The following VPS13B variants were observed in gnomAD, a reference collection of about 807,000 sequenced individuals.
The protein encoded by VPS13B is intermembrane lipid transfer protein VPS13B.
A neutral mutation model predicts 426.4 loss-of-function variants in VPS13B; 285 were observed. That is an observed-to-expected ratio of 0.67 (90% CI 0.61 to 0.74). The LOEUF (loss-of-function observed/expected upper bound fraction) is 0.74. VPS13B is among the 30% of genes least tolerant of loss of function. The probability of loss-of-function intolerance (pLI) is 0.00; values close to 1 mark genes in which losing one functional copy is unlikely to be tolerated. For synonymous variants in VPS13B, 1,676 were observed against 1,676.4 expected, an observed-to-expected ratio of 1.00 and a Z score of 0.01; for missense variants, 4,537 against 4,782.6, an observed-to-expected ratio of 0.95 and a Z score of 1.51.
intron 19 of VPS13B, among the ~76,000 whole-genome samples, chr8:99,294,839 TTTA>T (rs1246953047): frequency 1.3e-5 from 2 of 152,180 alleles, no homozygotes; most frequent in Non-Finnish European, 2.9e-5. Context: ...AGTTAATTTG[TTTA>T]TTATTATTGC....
intron 44 of VPS13B, among the ~76,000 whole-genome samples, chr8:99,810,650 T>C (rs983534960): frequency 3.9e-5 from 6 of 152,238 alleles, no homozygotes; most frequent in Non-Finnish European, 8.8e-5. Context: ...AGAATATTTA[T>C]TGATTGCCTA....
chr8:99,673,752 C>T (rs929143409), intron 35 of VPS13B, among the ~76,000 whole-genome samples: 10 of 151,912 alleles, frequency 6.6e-5, no homozygotes, highest in Non-Finnish European at 1.3e-4. Context: ...CTGGAAAATT[C>T]CCCTCTTAGA....
chr8:99,312,370 A>T (rs147728921), intron 19 of VPS13B, among the ~76,000 whole-genome samples: 2 of 152,220 alleles, frequency 1.3e-5, no homozygotes, highest in African/African-American at 4.8e-5. Context: ...CCTGGTGGTG[A>T]CAAAATCTCT....
chr8:99,342,291 C>T (rs1811294815), intron 19 of VPS13B, among the ~76,000 whole-genome samples: 1 of 152,132 alleles, frequency 6.6e-6, no homozygotes, highest in Non-Finnish European at 1.5e-5. Flanking sequence ...GAAATACATA[C>T]TACATTATTA....
intron 8 of VPS13B, among the ~76,000 whole-genome samples, chr8:99,124,302 A>C (rs1848084343): frequency 6.6e-6 from 1 of 152,246 alleles, no homozygotes. Flanking sequence ...GATTAAAAGC[A>C]AATGGGAAGA....
At chr8:99,687,339 T>G (rs1831456972) in intron 35 of VPS13B, among the ~76,000 whole-genome samples, 1 of 152,022 alleles carries the variant, frequency 6.6e-6, no homozygotes, top group African/African-American at 2.4e-5. Flanking sequence ...AGCTGCCCCA[T>G]CTGGTGTCTG....
At chr8:99,654,134 T>C (rs1202675621) in intron 34 of VPS13B, among the ~76,000 whole-genome samples, 1 of 151,952 alleles carries the variant, frequency 6.6e-6, no homozygotes, top group East Asian at 1.9e-4. Flanking sequence ...CTGCAAGCTC[T>C]GCCTCCCGGG....
chr8:99,250,678 T>A (rs1817457216), intron 17 of VPS13B, among the ~76,000 whole-genome samples: 1 of 112,160 alleles, frequency 8.9e-6, no homozygotes, highest in African/African-American at 3.5e-5. Flanking sequence ...TTTTTTTTTT[T>A]TTTTTTTTTT....
In VPS13B at chr8:99,835,545, C is replaced by T. The variant is rs761208848; in HGVS notation, c.9749C>T (p.Pro3250Leu). The change falls in exon 54 of 62, where the codon CCA becomes CTA. Residue 3250 changes from proline (P) to leucine (L), a missense_variant. Around this residue, in one of 2 missense-constraint regions of VPS13B, gnomAD observed 4,311 missense variants for 4,474.3 expected, o/e 0.96. Coordinates refer to ENST00000357162, the MANE Select transcript of VPS13B (RefSeq NM_152564.5). ...GCCTTTTTTAAAATTTCAGATATTC[C>T]AAAGTTTGAGGTTTATTGCAAAAAA... ...MLIKENIKDI[P>L]KFEVYCKKIP... 11 of 1,613,852 alleles carry T rather than the reference C, an allele frequency of 6.8e-6. No individual in the cohort carries two copies. Among genetic ancestry groups the T allele is most frequent in the Non-Finnish European group, 9.3e-6 (11 of 1,179,980 alleles).
chr8:99,752,853 A>G (rs1320923346), intron 39 of VPS13B, among the ~76,000 whole-genome samples: 1 of 152,210 alleles, frequency 6.6e-6, no homozygotes, highest in Admixed American at 6.5e-5. Context: ...CAATCATGTA[A>G]CAAGTTGTCA....
intron 33 of VPS13B, among the ~76,000 whole-genome samples, chr8:99,631,223 G>T (rs893856160): frequency 6.6e-6 from 1 of 152,068 alleles, no homozygotes; most frequent in South Asian, 2.1e-4. Flanking sequence ...CCAAGAATTT[G>T]TGTCTCATTC....
chr8:99,616,429 C>A (rs191536726), intron 33 of VPS13B, among the ~76,000 whole-genome samples: 2 of 152,166 alleles, frequency 1.3e-5, no homozygotes, highest in Admixed American at 1.3e-4. Context: ...TATCTCAAGA[C>A]GTTTAAGAGG....
At chr8:99,151,752 T>C (rs1811091824) in intron 14 of VPS13B, among the ~76,000 whole-genome samples, 1 of 152,118 alleles carries the variant, frequency 6.6e-6, no homozygotes, top group Non-Finnish European at 1.5e-5. Context: ...AGGCTGGTCT[T>C]GGACTTCTGA....
At chr8:99,639,972 C>T (rs1829243758) in intron 33 of VPS13B, among the ~76,000 whole-genome samples, 1 of 132,210 alleles carries the variant, frequency 7.6e-6, no homozygotes, top group Non-Finnish European at 1.6e-5. Context: ...ACAAGACTCT[C>T]TCTTTAAAAA....
At chr8:99,601,716 A>G (rs1051943442) in intron 33 of VPS13B, among the ~76,000 whole-genome samples, 7 of 152,212 alleles carry the variant, frequency 4.6e-5, no homozygotes, top group African/African-American at 1.7e-4. Flanking sequence ...ATGATATCTC[A>G]TTGTGGTTTT....
chr8:99,467,775 T>C, intron 24 of VPS13B, 141 bp downstream of exon 24: 3 of 884,330 alleles, frequency 3.4e-6, no homozygotes, highest in Non-Finnish European at 5.3e-6. Context: ...GGTGGTTAGA[T>C]TAAGAATTGC....
At chr8:99,442,293 A>T (rs191221966) in intron 22 of VPS13B, 108 bp from the exon 23 acceptor site, 2 of 912,162 alleles carry the variant, frequency 2.2e-6, no homozygotes, top group East Asian at 5.2e-5. Context: ...TAAAGACATA[A>T]ATATGGAACA....
chr8:99,606,855 G>A (rs1827620615), intron 33 of VPS13B, among the ~76,000 whole-genome samples: 2 of 151,966 alleles, frequency 1.3e-5, no homozygotes, highest in East Asian at 1.9e-4. Context: ...CTTCATCTTC[G>A]ATGCCAACAG....
At chr8:99,717,591 G>C (rs938226162) in intron 37 of VPS13B, among the ~76,000 whole-genome samples, 11 of 152,038 alleles carry the variant, frequency 7.2e-5, no homozygotes, top group Non-Finnish European at 1.5e-5. Context: ...AGCATATTCA[G>C]AGTTGCACAA....
Sources: gnomAD v4.1 joint callset for allele counts (sites outside exome capture counted in the v4.1 genomes callset) on GRCh38, gnomAD v4.1.1 for gene constraint, gnomAD v4.1.1 regional missense constraint, MANE v1.5 for transcripts, NCBI Gene and HGNC (gene_info 2026-07-23, HGNC 2026-07-21) for gene names.